KIAA1671: variants seen among roughly 807,000 people sequenced by gnomAD.
The protein encoded by KIAA1671 is uncharacterized protein KIAA1671.
In KIAA1671, 52 loss-of-function variants were observed where a neutral mutation model predicts 131.2. The ratio of observed to expected loss-of-function variants is 0.40; its 90% confidence interval spans 0.32 to 0.50. The LOEUF (loss-of-function observed/expected upper bound fraction) is 0.50. Ranked by LOEUF, KIAA1671 falls within the 20% of genes least tolerant of loss-of-function variation. KIAA1671 has a pLI of 0.73. For synonymous variants in KIAA1671, 1,003 were observed against 961.6 expected, an observed-to-expected ratio of 1.04 and a Z score of -0.80; for missense variants, 2,360 against 2,364.2, an observed-to-expected ratio of 1.00 and a Z score of 0.04.
rs748384454 is a variant in KIAA1671 at position 25,027,096 on chromosome 22, C to A, written c.-55-849C>A. The stretch of plus-strand genomic sequence containing the variant: ...CTCATGGGAAGACCTCACTGTTGGG[C>A]GTTTCTCTTTCTATTAAGAGTATGA... On this transcript the variant is annotated intron_variant, in intron 2 of 12. Transcript: ENST00000358431. Among the ~76,000 whole-genome samples, 963 of 152,244 alleles carry A rather than the reference C, an allele frequency of 6.3e-3. 11 individuals are homozygous for A. The highest frequency in any genetic ancestry group is 0.011 in the Non-Finnish European group (715 of 68,018).
chr22:25,000,207 T>TAAATG (rs1569202495), intron 1 of KIAA1671, among the ~76,000 whole-genome samples: 2 of 83,230 alleles, frequency 2.4e-5, no homozygotes, highest in Admixed American at 1.2e-4. Flanking sequence ...TTTTTTTTTT[T>TAAATG]TTTTGAGACG....
At chr22:25,020,428 C>T (rs2123890201) in intron 1 of KIAA1671, among the ~76,000 whole-genome samples, 1 of 152,296 alleles carries the variant, frequency 6.6e-6, no homozygotes, top group Admixed American at 6.5e-5. Flanking sequence ...TCCATTTTCC[C>T]ACACTCACGT....
intron 6 of KIAA1671, among the ~76,000 whole-genome samples, chr22:25,088,188 A>G (rs5760845): frequency 0.27 from 40,747 of 151,028 alleles, 6,804 homozygotes; most frequent in African/African-American, 0.48. Flanking sequence ...GCTCACTGCA[A>G]CCTCTGCCTC....
At chr22:25,162,411 T>C (rs569379144) in intron 6 of KIAA1671, among the ~76,000 whole-genome samples, 234 of 152,342 alleles carry the variant, frequency 1.5e-3, no homozygotes, top group Admixed American at 2.9e-3. Context: ...CTCTGTCAGC[T>C]GTGTGCCACC....
chr22:24,971,106 G>A (rs1922590304), intron 1 of KIAA1671, among the ~76,000 whole-genome samples: 3 of 152,172 alleles, frequency 2.0e-5, no homozygotes, highest in Non-Finnish European at 1.5e-5. Context: ...ACAGGCACGT[G>A]CCACCATGCC....
At chr22:25,009,626 G>A (rs1334930305) in intron 1 of KIAA1671, 1 of 149,896 alleles carries the variant, frequency 6.7e-6, no homozygotes, top group Admixed American at 6.7e-5. Context: ...TTGTCGCCCA[G>A]GCTGGAGTGC....
At chr22:25,140,866 A>G (rs1212821037) in intron 6 of KIAA1671, among the ~76,000 whole-genome samples, 1 of 152,238 alleles carries the variant, frequency 6.6e-6, no homozygotes, top group African/African-American at 2.4e-5. Flanking sequence ...TGTCATCATG[A>G]ATGGTTATTC....
chr22:24,978,089 C>T (rs1923006913), intron 1 of KIAA1671, among the ~76,000 whole-genome samples: 4 of 152,098 alleles, frequency 2.6e-5, no homozygotes, highest in African/African-American at 7.2e-5. Context: ...CTTTCATCCC[C>T]GCAACAGCCC....
intron 6 of KIAA1671, among the ~76,000 whole-genome samples, chr22:25,071,231 C>T (rs1928800528): frequency 6.6e-6 from 1 of 152,210 alleles, no homozygotes; most frequent in Non-Finnish European, 1.5e-5. Context: ...CCACTGGTTT[C>T]AGCACACCCA....
intron 6 of KIAA1671, among the ~76,000 whole-genome samples, chr22:25,146,330 G>A (rs1932878296): frequency 6.6e-6 from 1 of 152,208 alleles, no homozygotes; most frequent in Non-Finnish European, 1.5e-5. Flanking sequence ...AGTAGGCTTT[G>A]TAGGATAAGT....
chr22:25,111,199 C>T (rs1931323672), intron 6 of KIAA1671, among the ~76,000 whole-genome samples: 1 of 152,314 alleles, frequency 6.6e-6, no homozygotes, highest in South Asian at 2.1e-4. Context: ...CTAACCTTCC[C>T]GGGGCTGCCA....
rs913903313 is a variant in KIAA1671 at position 25,055,631 on chromosome 22, A to G, written c.4530+6267A>G. Reference sequence around the variant, plus strand: ...TTGAGATATTTATTTTCATTTCCCTAATGACTAATGATTTTGAGTATCTGT... The same window carrying G: ...TTGAGATATTTATTTTCATTTCCCTGATGACTAATGATTTTGAGTATCTGT... On this transcript the variant is annotated intron_variant, in intron 6 of 12. Coordinates refer to ENST00000358431, the MANE Select transcript of KIAA1671 (RefSeq NM_001145206.2). 2.5e-4 allele frequency: 38 copies of G among 149,890 alleles called. 1 individual carries two copies. Among genetic ancestry groups the G allele is most frequent in the Admixed American group, 2.2e-3 (33 of 15,086 alleles). The allele number at this position is 149,890 out of a possible 1,614,324, so 9.3% of individuals were successfully genotyped here.
intron 7 of KIAA1671, among the ~76,000 whole-genome samples, chr22:25,173,068 T>A (rs1020216147): frequency 6.6e-6 from 1 of 152,148 alleles, no homozygotes; most frequent in African/African-American, 2.4e-5. Context: ...CTTACAATCA[T>A]GGCGGAAGGT....
At chr22:25,097,590 A>G (rs1205493841) in intron 6 of KIAA1671, among the ~76,000 whole-genome samples, 3 of 152,088 alleles carry the variant, frequency 2.0e-5, no homozygotes, top group African/African-American at 7.2e-5. Flanking sequence ...AATACAAAAA[A>G]TTAGCTGGGT....
Position 25,196,542 on chromosome 22 carries a change from C to A in KIAA1671, c.*4141C>A, listed in dbSNP as rs1418374969. The A allele has an allele frequency of 2.0e-5, 3 of 152,178 alleles. No homozygotes were observed. Among genetic ancestry groups the A allele is most frequent in the Admixed American group, 1.3e-4 (2 of 15,278 alleles). The allele number at this position is 152,178 out of a possible 1,614,324, so 9.4% of individuals were successfully genotyped here. ...CTCCAACTCCTGGGCTCAAGCAATC[C>A]TCTCATCTCCACCTCCAGAGTAGCC... On this transcript the variant is annotated 3_prime_UTR_variant, in exon 13 of 13. Coordinates refer to ENST00000358431, the MANE Select transcript of KIAA1671 (RefSeq NM_001145206.2).
chr22:25,165,276 T>C (rs1031302251), intron 6 of KIAA1671, among the ~76,000 whole-genome samples: 2 of 152,118 alleles, frequency 1.3e-5, no homozygotes, highest in African/African-American at 4.8e-5. Context: ...GAGAATGCAG[T>C]TATATTCACC....
chr22:25,187,564 T>C (rs947484048), intron 11 of KIAA1671, among the ~76,000 whole-genome samples: 1 of 152,176 alleles, frequency 6.6e-6, no homozygotes, highest in Non-Finnish European at 1.5e-5. Context: ...TCACCCAGGC[T>C]GGAATGCAAT....
At position 25,025,718 on chromosome 22, in the gene KIAA1671, G is replaced by A. The variant is rs2123897767; in HGVS notation, c.-122G>A. 6.6e-6 allele frequency: 1 copy of A among 152,292 alleles called. No homozygotes were observed. The highest frequency in any genetic ancestry group is 2.4e-5 in the African/African-American group (1 of 41,560). 9.4% of individuals were successfully genotyped at this position (152,292 alleles called of 1,614,324 possible). On this transcript the variant is annotated 5_prime_UTR_variant, in exon 2 of 13. The change abolishes an upstream ATG in the 5' untranslated region. Transcript: ENST00000358431. ...GAAGTGTGTGGACAGCCCCATTCAT[G>A]ATGACATGTGACACTACTGGCTTTT... is the stretch of plus-strand genomic sequence containing the variant.
chr22:25,140,414 C>A (rs550202752), intron 6 of KIAA1671, among the ~76,000 whole-genome samples: 1 of 150,420 alleles, frequency 6.6e-6, no homozygotes, highest in Admixed American at 6.6e-5. Flanking sequence ...CTCGCTCTTT[C>A]GCCCAGGCCG....
Sources: gnomAD v4.1 joint callset for allele counts (sites outside exome capture counted in the v4.1 genomes callset) on GRCh38, gnomAD v4.1.1 for gene constraint, MANE v1.5 for transcripts, NCBI Gene and HGNC (gene_info 2026-07-23, HGNC 2026-07-21) for gene names.